The following DPH6 variants were observed in gnomAD, a reference collection of about 807,000 sequenced individuals.
DPH6 encodes the protein diphthamine biosynthesis 6.
In DPH6, 33 loss-of-function variants were observed where a neutral mutation model predicts 38.2. The observed-to-expected ratio is 0.86, with a 90% CI of 0.65 to 1.15. DPH6 has a LOEUF of 1.15. DPH6 is among the 50% of genes most tolerant of loss of function. DPH6 has a pLI of 0.00. For missense variants in DPH6, 325 were observed against 320.0 expected, an observed-to-expected ratio of 1.02 and a Z score of -0.12; for synonymous variants, 108 against 103.0, an observed-to-expected ratio of 1.05 and a Z score of -0.30.
intron 4 of DPH6, 31 bp from the exon 5 acceptor site, chr15:35,450,834 T>C (rs1184308898): frequency 2.0e-6 from 3 of 1,529,860 alleles, no homozygotes. Context: ...GAAAGTCAGA[T>C]GATCTCTTAA....
chr15:35,206,060 T>C, the DPH6 span, among the ~76,000 whole-genome samples: 2 of 152,224 alleles, frequency 1.3e-5, no homozygotes, highest in South Asian at 4.1e-4. Flanking sequence ...GCAATGGTAG[T>C]AGAAGTTTTA....
intron 6 of DPH6, among the ~76,000 whole-genome samples, chr15:35,394,070 T>C (rs2053095780): frequency 6.6e-6 from 1 of 152,166 alleles, no homozygotes; most frequent in South Asian, 2.1e-4. Context: ...GTTACGCTTC[T>C]CTGACTCCTT....
intron 6 of DPH6, among the ~76,000 whole-genome samples, chr15:35,404,924 G>A (rs760909327): frequency 4.6e-5 from 7 of 152,092 alleles, no homozygotes; most frequent in Non-Finnish European, 1.0e-4. Context: ...GAGGGATCAA[G>A]TTTTATTTTT....
intron 3 of DPH6, chr15:35,237,408 G>T: frequency 6.2e-7 from 1 of 1,605,188 alleles, no homozygotes; most frequent in Non-Finnish European, 8.5e-7. Flanking sequence ...GACAACAGTC[G>T]GTCGAATGAA....
chr15:35,146,769 C>T, the DPH6 span, among the ~76,000 whole-genome samples: 1 of 152,080 alleles, frequency 6.6e-6, no homozygotes. Flanking sequence ...TATATGGAAC[C>T]TCTAAAAGTC....
chr15:35,252,995 T>A (rs1464189590), intron 3 of DPH6, among the ~76,000 whole-genome samples: 3 of 152,208 alleles, frequency 2.0e-5, no homozygotes, highest in Non-Finnish European at 4.4e-5. Context: ...GGGTTAGTAA[T>A]AAATAGACTT....
chr15:35,262,705 C>CAAAAAAAAAAAAAAAAAAAAAAA (rs58580024), intron 3 of DPH6, among the ~76,000 whole-genome samples: 4 of 82,632 alleles, frequency 4.8e-5, no homozygotes, highest in African/African-American at 2.5e-4. Flanking sequence ...GACTCCGTCT[C>CAAAAAAAAAAAAAAAAAAAAAAA]AAAAAAAAAA....
At chr15:35,296,929 C>T (rs1472118419) in intron 3 of DPH6, among the ~76,000 whole-genome samples, 1 of 126,780 alleles carries the variant, frequency 7.9e-6, no homozygotes, top group African/African-American at 4.3e-5. Context: ...CTCAGCCTCC[C>T]GAGTAGCTGG....
chr15:35,300,227 T>A (rs769388693), intron 3 of DPH6, among the ~76,000 whole-genome samples: 21 of 152,214 alleles, frequency 1.4e-4, no homozygotes, highest in Non-Finnish European at 2.6e-4. Flanking sequence ...AAGGGTATAA[T>A]CATGTAGTAC....
At chr15:35,473,945 TGTGTGTGTGTGTGCGC>T (rs759858303) in intron 3 of DPH6, among the ~76,000 whole-genome samples, 25 of 103,500 alleles carry the variant, frequency 2.4e-4, no homozygotes, top group Admixed American at 5.7e-4. Flanking sequence ...TGTGTGTGTG[TGTGTGTGTGTGTGCGC>T]GCGCGCGCGT....
the DPH6 span, among the ~76,000 whole-genome samples, chr15:35,173,805 A>G: frequency 1.1e-3 from 167 of 152,180 alleles, no homozygotes; most frequent in African/African-American, 3.9e-3. Flanking sequence ...CTCTAACTCT[A>G]CTTGGGTCAA....
Position 35,453,828 on chromosome 15 carries a change from T to C in DPH6, c.386+919A>G, listed in dbSNP as rs191150177. On this transcript the variant is annotated intron_variant, in intron 4 of 8. Transcript: ENST00000256538. ...TGAAACAAGTGTTCAAATCTATTAA[T>C]ATGTAGGTTTTAAATGAGATAGTAA... Among the ~76,000 whole-genome samples the C allele has an allele frequency of 1.2e-4, 18 of 152,152 alleles. No homozygotes were observed. The East Asian group carries it at 2.9e-3, about 24-fold the overall frequency.
At chr15:35,332,591 C>T (rs537290334) in intron 3 of DPH6, among the ~76,000 whole-genome samples, 2 of 152,182 alleles carry the variant, frequency 1.3e-5, no homozygotes, top group South Asian at 4.1e-4. Context: ...GGGTCAGATG[C>T]CTATGTTTGA....
At chr15:35,228,831 T>C (rs1170430170) in intron 3 of DPH6, among the ~76,000 whole-genome samples, 12 of 152,200 alleles carry the variant, frequency 7.9e-5, no homozygotes, top group Non-Finnish European at 1.5e-4. Flanking sequence ...TTGGATATAT[T>C]ATTCCAGGGT....
At chr15:35,461,688 A>G (rs922942187) in intron 3 of DPH6, among the ~76,000 whole-genome samples, 1 of 152,076 alleles carries the variant, frequency 6.6e-6, no homozygotes, top group Non-Finnish European at 1.5e-5. Flanking sequence ...TGGGTGGAGA[A>G]TGAAGGAAGG....
intron 3 of DPH6, among the ~76,000 whole-genome samples, chr15:35,335,874 T>G (rs907841519): frequency 3.9e-5 from 6 of 151,964 alleles, no homozygotes; most frequent in African/African-American, 1.4e-4. Flanking sequence ...TGGCCTGTGT[T>G]TTGGTTCCAT....
intron 3 of DPH6, among the ~76,000 whole-genome samples, chr15:35,293,583 T>C (rs1191287661): frequency 1.3e-5 from 2 of 152,212 alleles, no homozygotes; most frequent in Non-Finnish European, 1.5e-5. Flanking sequence ...AGAGTTAGTG[T>C]AGTTGCAAGA....
chr15:35,158,538 T>G, the DPH6 span, among the ~76,000 whole-genome samples: 3 of 152,076 alleles, frequency 2.0e-5, no homozygotes, highest in Non-Finnish European at 4.4e-5. Context: ...CTACAGCTTA[T>G]GCTGTTATAT....
chr15:35,477,559 G>A (rs552241725), intron 3 of DPH6, among the ~76,000 whole-genome samples: 1 of 151,812 alleles, frequency 6.6e-6, no homozygotes, highest in South Asian at 2.1e-4. Flanking sequence ...ACTTTTATAG[G>A]TCAGACCAGT....
Sources: allele counts gnomAD v4.1 joint callset (sites outside exome capture counted in the v4.1 genomes callset), GRCh38; gene constraint gnomAD v4.1.1; transcripts MANE v1.5; gene names NCBI Gene and HGNC (gene_info 2026-07-23, HGNC 2026-07-21).